The following DNM3 variants were observed in gnomAD, a reference collection of about 807,000 sequenced individuals.
DNM3 encodes the protein dynamin-3.
Under a neutral mutation model 101.6 loss-of-function variants are expected in DNM3, and 47 were observed. That is an observed-to-expected ratio of 0.46 (90% CI 0.37 to 0.59). DNM3 has a LOEUF of 0.59. DNM3 is among the 20% of genes least tolerant of loss of function. The pLI, the probability that DNM3 is intolerant of heterozygous loss-of-function variation, is 0.00. For synonymous variants in DNM3, 385 were observed against 387.9 expected, an observed-to-expected ratio of 0.99 and a Z score of 0.09; for missense variants, 849 against 1,085.7, an observed-to-expected ratio of 0.78 and a Z score of 3.06.
chr1:172,268,508 C>G (rs745805926), intron 15 of DNM3, among the ~76,000 whole-genome samples: 2 of 151,980 alleles, frequency 1.3e-5, no homozygotes, highest in East Asian at 1.9e-4. Flanking sequence ...ATTAGGAAAT[C>G]CTAGGTACAC....
intron 15 of DNM3, among the ~76,000 whole-genome samples, chr1:172,268,694 A>T (rs1385329086): frequency 6.6e-6 from 1 of 152,180 alleles, no homozygotes; most frequent in Non-Finnish European, 1.5e-5. Context: ...CACAGCTAAG[A>T]TATATTCTCA....
intron 2 of DNM3, among the ~76,000 whole-genome samples, chr1:171,926,034 G>A (rs898815448): frequency 8.5e-5 from 13 of 152,130 alleles, no homozygotes; most frequent in Admixed American, 7.2e-4. Flanking sequence ...TTACTTCTGA[G>A]TTCTCTGTTC....
At chr1:171,886,481 T>G (rs565553540) in intron 1 of DNM3, among the ~76,000 whole-genome samples, 1 of 152,284 alleles carries the variant, frequency 6.6e-6, no homozygotes, top group South Asian at 2.1e-4. Flanking sequence ...CTGGTATCAC[T>G]GTGGCTGGAA....
chr1:172,389,700 A>C (rs1331011118), intron 20 of DNM3, among the ~76,000 whole-genome samples: 2 of 152,212 alleles, frequency 1.3e-5, no homozygotes, highest in South Asian at 2.1e-4. Context: ...TATATACTCC[A>C]TGAAGGAATA....
chr1:172,219,377 CAAAAAAAAAAAAA>C (rs58783160), intron 14 of DNM3, among the ~76,000 whole-genome samples: 5 of 56,300 alleles, frequency 8.9e-5, no homozygotes, highest in East Asian at 5.7e-4. Flanking sequence ...TACCCTGTCT[CAAAAAAAAAAAAA>C]AAAAAAAAAA....
intron 15 of DNM3, among the ~76,000 whole-genome samples, chr1:172,301,900 G>T (rs1355840781): frequency 6.6e-6 from 1 of 152,090 alleles, no homozygotes; most frequent in East Asian, 1.9e-4. Flanking sequence ...AGAAAATAAG[G>T]TTATGGTCCC....
intron 17 of DNM3, among the ~76,000 whole-genome samples, chr1:172,362,314 G>C (rs1345057398): frequency 1.3e-5 from 2 of 151,940 alleles, no homozygotes; most frequent in Non-Finnish European, 2.9e-5. Flanking sequence ...CTAGGAAAGA[G>C]GGATCATTTG....
chr1:172,044,978 G>C (rs962887816), intron 9 of DNM3, among the ~76,000 whole-genome samples: 2 of 145,736 alleles, frequency 1.4e-5, no homozygotes, highest in African/African-American at 5.2e-5. Flanking sequence ...GATGAGACAG[G>C]AGAGGATGGA....
intron 15 of DNM3, among the ~76,000 whole-genome samples, chr1:172,299,100 G>A (rs1426344334): frequency 6.6e-6 from 1 of 152,152 alleles, no homozygotes; most frequent in Admixed American, 6.5e-5. Flanking sequence ...AATTAACTGT[G>A]CAAAGAGAGA....
chr1:172,369,431 A>G (rs186596676), intron 17 of DNM3, among the ~76,000 whole-genome samples: 2 of 152,194 alleles, frequency 1.3e-5, no homozygotes, highest in Admixed American at 6.6e-5. Context: ...ACATCACTTC[A>G]TGATAAAAAC....
intron 2 of DNM3, among the ~76,000 whole-genome samples, chr1:171,967,410 C>G (rs1291430189): frequency 1.3e-5 from 2 of 152,032 alleles, no homozygotes; most frequent in African/African-American, 2.4e-5. Flanking sequence ...TGTTGACATG[C>G]TGAGTGCTTT....
downstream of DNM3, among the ~76,000 whole-genome samples, chr1:172,416,871 T>C (rs1173733770): frequency 6.6e-6 from 1 of 152,120 alleles, no homozygotes; most frequent in Non-Finnish European, 1.5e-5. Flanking sequence ...GCCCTGAAGT[T>C]GAAAGGTTAG....
At chr1:172,358,911 CACAG>C (rs970406682) in intron 17 of DNM3, among the ~76,000 whole-genome samples, 4 of 151,912 alleles carry the variant, frequency 2.6e-5, no homozygotes, top group South Asian at 2.1e-4. Context: ...AAAAAAAAGC[CACAG>C]ACAGAGTAGT....
rs565169296 is a variant in DNM3, at chr1:171,930,177, C to T, written c.235+8356C>T. 2.2e-4 allele frequency among the ~76,000 whole-genome samples: 33 copies of T among 152,050 alleles called. No homozygotes were observed. The South Asian group carries it at 5.2e-3, about 24-fold the overall frequency. On this transcript the variant is annotated intron_variant, in intron 2 of 20. Transcript: ENST00000627582. ...CTTCTGCCCCTGGTCAGTTTGAACT[C>T]TCCAAAGTCTGAAGGCTGGAATGGC...
At chr1:172,169,743 G>A (rs1433157433) in intron 14 of DNM3, among the ~76,000 whole-genome samples, 1 of 151,842 alleles carries the variant, frequency 6.6e-6, no homozygotes, top group Non-Finnish European at 1.5e-5. Context: ...ATGAACATAG[G>A]TTAATATTAT....
At chr1:171,982,329 C>T (rs1038324161) in intron 2 of DNM3, among the ~76,000 whole-genome samples, 3 of 152,070 alleles carry the variant, frequency 2.0e-5, no homozygotes, top group Admixed American at 6.5e-5. Context: ...TTCCTTCATC[C>T]CCAAACTACA....
At chr1:172,257,905 CAG>C (rs1461291603) in intron 15 of DNM3, among the ~76,000 whole-genome samples, 14 of 148,040 alleles carry the variant, frequency 9.5e-5, no homozygotes, top group African/African-American at 3.6e-4. Flanking sequence ...CACACACACA[CAG>C]ACAAACAGAC....
intron 20 of DNM3, chr1:172,418,259 T>C (rs899497372): frequency 1.6e-6 from 2 of 1,287,654 alleles, no homozygotes; most frequent in Middle Eastern, 2.1e-4. Flanking sequence ...TATTTTGTTT[T>C]GTTTTGTTTT....
intron 2 of DNM3, among the ~76,000 whole-genome samples, chr1:171,981,882 C>T (rs915205392): frequency 2.6e-5 from 4 of 152,072 alleles, no homozygotes; most frequent in African/African-American, 7.2e-5. Context: ...TTCACGGATG[C>T]GTTATCACGG....
Sources: gnomAD v4.1 joint callset for allele counts (sites outside exome capture counted in the v4.1 genomes callset) on GRCh38, gnomAD v4.1.1 for gene constraint, MANE v1.5 for transcripts, NCBI Gene and HGNC (gene_info 2026-07-23, HGNC 2026-07-21) for gene names.